ARMH4: variants seen among roughly 807,000 people sequenced by gnomAD.
ARMH4 encodes the protein armadillo like helical domain containing 4.
ARMH4 carries 49 observed loss-of-function variants against 61.9 expected under a neutral mutation model. The ratio of observed to expected loss-of-function variants is 0.79; its 90% confidence interval spans 0.63 to 1.00. The LOEUF (loss-of-function observed/expected upper bound fraction) is 1.00. Ranked by LOEUF, ARMH4 falls within the 50% of genes least tolerant of loss-of-function variation. ARMH4 has a pLI of 0.00. For missense variants in ARMH4, 934 were observed against 930.0 expected (o/e 1.00, Z -0.06); for synonymous variants, 368 against 341.5 (o/e 1.08, Z -0.85).
At position 58,138,060 on chromosome 14, in the gene ARMH4, G is replaced by A. The variant is rs566768348; in HGVS notation, c.1299C>T (p.Phe433=). The change falls in exon 2 of 8, where the codon TTC becomes TTT. Residue 433 remains phenylalanine, a synonymous_variant. Transcript: ENST00000267485. ...CAGAGACAGAAACAGTGGTTTCTAA[G>A]AAAAACAGGGCATCGTTTTCCTTGG... ...ESTKENDALF[F]LETTVSVSVY... is the part of the protein sequence containing the mutation. 4 of 1,614,132 alleles carry A rather than the reference G, an allele frequency of 2.5e-6. No homozygotes were observed. The highest frequency in any genetic ancestry group is 1.7e-5 in the Admixed American group (1 of 60,008).
At chr14:58,145,994 C>A (rs992813384) in intron 1 of ARMH4, among the ~76,000 whole-genome samples, 12 of 152,356 alleles carry the variant, frequency 7.9e-5, no homozygotes, top group Non-Finnish European at 2.9e-5. Flanking sequence ...TAATGTCCCA[C>A]AATGGGAGTT....
chr14:58,042,499 A>C (rs1421755245), intron 5 of ARMH4, among the ~76,000 whole-genome samples: 3 of 152,184 alleles, frequency 2.0e-5, no homozygotes, highest in Non-Finnish European at 4.4e-5. Context: ...AGAAAGCAGG[A>C]AAGATCTAAA....
At chr14:58,040,834 G>A (rs574726247) in intron 5 of ARMH4, among the ~76,000 whole-genome samples, 33 of 152,268 alleles carry the variant, frequency 2.2e-4, no homozygotes, top group African/African-American at 7.5e-4. Context: ...GTTGTTATGG[G>A]CTGCCCCAGA....
intron 4 of ARMH4, among the ~76,000 whole-genome samples, chr14:58,126,494 A>G (rs934164918): frequency 2.0e-5 from 3 of 152,248 alleles, no homozygotes; most frequent in African/African-American, 4.8e-5. Flanking sequence ...CAACCATGAT[A>G]TTAAATACAC....
rs1566534602 is a variant in ARMH4, at chr14:58,004,016, T to C, written c.*720A>G. 1 of 152,196 alleles carries C rather than the reference T, an allele frequency of 6.6e-6. No homozygotes were observed. Among genetic ancestry groups the C allele is most frequent in the Admixed American group, 6.5e-5 (1 of 15,280 alleles). 9.4% of individuals were successfully genotyped at this position (152,196 alleles called of 1,614,324 possible). ...TGTATGACATGTATGATTGAGTCTG[T>C]TGGACTCAATCACACTATTTAAGAC... is the stretch of plus-strand genomic sequence containing the variant. On this transcript the variant is annotated 3_prime_UTR_variant, in exon 8 of 8. Transcript: ENST00000267485.
Position 58,138,888 on chromosome 14 carries a change from A to G in ARMH4, c.471T>C (p.Val157=), listed in dbSNP as rs1887424715. The G allele has an allele frequency of 6.2e-7, 1 of 1,614,080 alleles. No individual in the cohort carries two copies. The highest frequency in any genetic ancestry group is 8.5e-7 in the Non-Finnish European group (1 of 1,180,036). Reference sequence around the variant, plus strand: ...TTGTAAGGAGTTCCTCCTTTTCATCAACAGTCAGAGAAGGAGTCGCAGTGA... The same window carrying G: ...TTGTAAGGAGTTCCTCCTTTTCATCGACAGTCAGAGAAGGAGTCGCAGTGA... ...IAITATPSLT[V]DEKEELLTST... The change falls in exon 2 of 8, where the codon GTT becomes GTC. Residue 157 remains valine (V), a synonymous_variant. Transcript: ENST00000267485.
chr14:58,138,374 T>C lies in ARMH4; in HGVS notation c.985A>G (p.Lys329Glu). Residue 329 changes from lysine (K) to glutamate (E), a missense_variant, in exon 2 of 8, where the codon AAG becomes GAG. By Grantham distance (56) the Lys-to-Glu change is moderately conservative (BLOSUM62 1). Transcript: ENST00000267485. ...LESVSRIRTP[K>E]LGDNEETQVR... Reference sequence around the variant, plus strand: ...TGAGTCTCTTCATTGTCTCCAAGCTTGGGGGTCCTTATCCGGCTTACACTC... The same window carrying C: ...TGAGTCTCTTCATTGTCTCCAAGCTCGGGGGTCCTTATCCGGCTTACACTC... 6.2e-7 allele frequency: 1 copy of C among 1,614,182 alleles called. No individual in the cohort carries two copies. Among genetic ancestry groups the C allele is most frequent in the South Asian group, 1.1e-5 (1 of 91,080 alleles).
rs566800267 is a variant in ARMH4, at chr14:58,125,963, C to T, written c.1831+5549G>A. ...AGATAGTAAAGAGAGCTCACTAAAA[C>T]GCTAATTAGGCTAAAACAGGAGGCA... On this transcript the variant is annotated intron_variant, in intron 4 of 7. Coordinates refer to ENST00000267485, the MANE Select transcript of ARMH4 (RefSeq NM_001001872.4). Among the ~76,000 whole-genome samples the T allele has an allele frequency of 2.7e-4, 41 of 152,258 alleles. No homozygotes were observed. The South Asian group carries it at 5.0e-3, about 18-fold the overall frequency.
rs77467773 is a variant in ARMH4, at chr14:58,131,809, G to A, written c.1622-88C>T. On this transcript the variant is annotated intron_variant, in intron 3 of 7. Coordinates refer to ENST00000267485, the MANE Select transcript of ARMH4 (RefSeq NM_001001872.4). ...TGCTTTCACTTTTTAGGCAAGAAATGATTAAACCAATATCATACAATACAG... is the reference window on the plus strand; with the variant it reads ...TGCTTTCACTTTTTAGGCAAGAAATAATTAAACCAATATCATACAATACAG... 4 of 1,266,190 alleles carry A rather than the reference G, an allele frequency of 3.2e-6. No homozygotes were observed. The East Asian group carries it at 9.3e-5, about 29-fold the overall frequency. 78.4% of individuals were successfully genotyped at this position (1,266,190 alleles called of 1,614,324 possible).
Position 58,006,061 on chromosome 14 carries a change from C to T in ARMH4, c.2122-879G>A, listed in dbSNP as rs545220680. 3.3e-5 allele frequency among the ~76,000 whole-genome samples: 5 copies of T among 152,248 alleles called. No individual in the cohort carries two copies. In the East Asian group the frequency reaches 9.7e-4, roughly 29 times the overall value. ...AGGTGTCACTATGGATACCTTTATC[C>T]TCAGAGAGCAGGATGATCCCTGGAC... On this transcript the variant is annotated intron_variant, in intron 6 of 7. Transcript: ENST00000267485.
At chr14:58,056,986 C>T (rs567832421) in intron 5 of ARMH4, among the ~76,000 whole-genome samples, 2 of 152,118 alleles carry the variant, frequency 1.3e-5, no homozygotes, top group African/African-American at 2.4e-5. Context: ...ACCAACCATA[C>T]CCCAGACATC....
At chr14:58,143,064 GA>G (rs1012632979) in intron 1 of ARMH4, among the ~76,000 whole-genome samples, 2 of 152,148 alleles carry the variant, frequency 1.3e-5, no homozygotes, top group Admixed American at 6.6e-5. Flanking sequence ...ACACCTTCTT[GA>G]AAGACTTTGT....
At chr14:58,072,901 G>T (rs745613730) in intron 5 of ARMH4, among the ~76,000 whole-genome samples, 1 of 152,014 alleles carries the variant, frequency 6.6e-6, no homozygotes, top group Non-Finnish European at 1.5e-5. Flanking sequence ...TTACAGACAG[G>T]TATCCCCATT....
At chr14:58,114,410 T>A (rs144713082) in intron 4 of ARMH4, among the ~76,000 whole-genome samples, 5 of 152,322 alleles carry the variant, frequency 3.3e-5, no homozygotes, top group African/African-American at 7.2e-5. Context: ...ATCTTTGGAA[T>A]ACACCAAGCC....
chr14:58,058,409 C>T (rs539529310), intron 5 of ARMH4, among the ~76,000 whole-genome samples: 1 of 152,058 alleles, frequency 6.6e-6, no homozygotes, highest in Non-Finnish European at 1.5e-5. Flanking sequence ...GCAGAGCAGG[C>T]CCAAGGGTTG....
chr14:58,051,593 C>T (rs1437474063), intron 5 of ARMH4, among the ~76,000 whole-genome samples: 1 of 152,210 alleles, frequency 6.6e-6, no homozygotes, highest in Admixed American at 6.5e-5. Context: ...AGGGTAGAGA[C>T]AACTCTTTGC....
At chr14:58,131,809 G>C (rs77467773) in intron 3 of ARMH4, 88 bp from the exon 4 acceptor site, 1 of 1,266,070 alleles carries the variant, frequency 7.9e-7, no homozygotes, top group South Asian at 1.3e-5. Flanking sequence ...GGCAAGAAAT[G>C]ATTAAACCAA....
At chr14:58,006,313 T>C (rs1882168735) in intron 6 of ARMH4, among the ~76,000 whole-genome samples, 1 of 152,214 alleles carries the variant, frequency 6.6e-6, no homozygotes, top group East Asian at 1.9e-4. Context: ...AGTCTATTCA[T>C]TTATATGACT....
At chr14:58,088,921 A>G (rs1447000866) in intron 5 of ARMH4, among the ~76,000 whole-genome samples, 2 of 152,174 alleles carry the variant, frequency 1.3e-5, no homozygotes, top group Non-Finnish European at 2.9e-5. Context: ...CTCCCTACAT[A>G]AACAGAAGCT....
Sources: gnomAD v4.1 joint callset for allele counts (sites outside exome capture counted in the v4.1 genomes callset) on GRCh38, gnomAD v4.1.1 for gene constraint, MANE v1.5 for transcripts, NCBI Gene and HGNC (gene_info 2026-07-23, HGNC 2026-07-21) for gene names.